The following B4GALNT2 variants were observed in gnomAD, a reference collection of about 807,000 sequenced individuals.
B4GALNT2 encodes the protein beta-1,4-N-acetyl-galactosaminyltransferase 2 (SID blood group).
Under a neutral mutation model 51.1 loss-of-function variants are expected in B4GALNT2, and 42 were observed. That is an observed-to-expected ratio of 0.82 (90% confidence interval 0.64 to 1.06). The LOEUF (loss-of-function observed/expected upper bound fraction) is 1.06. Among genes scored for constraint, B4GALNT2 ranks in the 50% least tolerant of loss-of-function variants. The pLI is 0.00. For missense variants in B4GALNT2, 602 were observed against 633.6 expected, an observed-to-expected ratio of 0.95 and a Z score of 0.54; for synonymous variants, 253 against 251.7, an observed-to-expected ratio of 1.01 and a Z score of -0.05.
At position 49,169,641 on chromosome 17, in the gene B4GALNT2, C is replaced by A; in HGVS notation, c.1434C>A (p.Tyr478Ter). 2 of 1,612,698 alleles carry A rather than the reference C, an allele frequency of 1.2e-6. No homozygotes were observed. The highest frequency in any genetic ancestry group is 1.7e-6 in the Non-Finnish European group (2 of 1,179,310). ...AACTGGCTGCCCTAGAGAAGACCTACAATACATACCGGTCCAACACCCTCA... is the reference window on the plus strand; with the variant it reads ...AACTGGCTGCCCTAGAGAAGACCTAAAATACATACCGGTCCAACACCCTCA... ...DSELAALEKTYNTYRSNTLTR... is the reference protein window; with the variant it reads ...DSELAALEKT Residue 478 changes from tyrosine (Y) to a stop codon, truncating the protein, a stop_gained, in exon 11 of 11, where the codon TAC becomes TAA. Transcript: ENST00000393354. LOFTEE classifies it high-confidence loss of function.
At chr17:49,155,870 C>T (rs2042805052) in intron 4 of B4GALNT2, among the ~76,000 whole-genome samples, 1 of 151,556 alleles carries the variant, frequency 6.6e-6, no homozygotes, top group East Asian at 1.9e-4. Flanking sequence ...CTACAGGCAC[C>T]CGCCACCATG....
At chr17:49,128,341 C>A (rs1010799554), upstream of B4GALNT2, among the ~76,000 whole-genome samples, 1 of 151,984 alleles carries the variant, frequency 6.6e-6, no homozygotes, top group African/African-American at 2.4e-5. Flanking sequence ...GGGTTTGGGG[C>A]TGAAGGCTTG....
In B4GALNT2 at chr17:49,169,640, A is replaced by G. The variant is rs781761727; in HGVS notation, c.1433A>G (p.Tyr478Cys). Residue 478 changes from tyrosine to cysteine, a missense_variant, in exon 11 of 11, where the codon TAC becomes TGC. By Grantham distance (194) the Tyr-to-Cys change is radical. Coordinates refer to ENST00000393354, the MANE Select transcript of B4GALNT2 (RefSeq NM_001159387.2). ...GAACTGGCTGCCCTAGAGAAGACCT[A>G]CAATACATACCGGTCCAACACCCTC... ...DSELAALEKT[Y>C]NTYRSNTLTR... The G allele has an allele frequency of 3.1e-6, 5 of 1,613,222 alleles. No homozygotes were observed. The Admixed American group carries it at 5.0e-5, about 16-fold the overall frequency.
intron 1 of B4GALNT2, among the ~76,000 whole-genome samples, chr17:49,136,879 T>G (rs2042595841): frequency 6.6e-6 from 1 of 152,140 alleles, no homozygotes; most frequent in Non-Finnish European, 1.5e-5. Context: ...GGTGAACACT[T>G]GGCAAATTGT....
At position 49,173,693 on chromosome 17, in the gene B4GALNT2, C is replaced by A. The variant is rs2042971097; in HGVS notation, c.*3965C>A. On this transcript the variant is annotated 3_prime_UTR_variant, in exon 11 of 11. Transcript: ENST00000393354. ...TTAACAATCTGAGTTCTCCCATTTCCTATCATAGTAGCGATTTGATCCAAA... is the reference window on the plus strand; with the variant it reads ...TTAACAATCTGAGTTCTCCCATTTCATATCATAGTAGCGATTTGATCCAAA... 1 of 152,138 alleles carries A rather than the reference C, an allele frequency of 6.6e-6. No individual in the cohort carries two copies. Among genetic ancestry groups the A allele is most frequent in the Admixed American group, 6.5e-5 (1 of 15,284 alleles). The allele number at this position is 152,138 out of a possible 1,614,324, so 9.4% of individuals were successfully genotyped here. A position where few individuals can be genotyped will look rare whatever the true frequency, so the allele number is the denominator to read the frequency against.
At chr17:49,148,468 G>A in intron 3 of B4GALNT2, 1 of 294,304 alleles carries the variant, frequency 3.4e-6, no homozygotes. Context: ...GGTCTTGCAG[G>A]TGGCTCACCC....
At chr17:49,140,786 T>G (rs1419142249) in intron 1 of B4GALNT2, among the ~76,000 whole-genome samples, 2 of 150,332 alleles carry the variant, frequency 1.3e-5, no homozygotes, top group Non-Finnish European at 2.9e-5. Flanking sequence ...TGGCGTGATC[T>G]TGGCTCACTG....
Position 49,171,763 on chromosome 17 carries a change from C to T in B4GALNT2, c.*2035C>T, listed in dbSNP as rs886928565. The T allele has an allele frequency of 5.0e-5, 21 of 422,284 alleles. No homozygotes were observed. The highest frequency in any genetic ancestry group is 4.0e-4 in the Admixed American group (14 of 34,780). The allele number at this position is 422,284 out of a possible 1,614,324, so 26.2% of individuals were successfully genotyped here. On this transcript the variant is annotated 3_prime_UTR_variant, in exon 11 of 11. Coordinates refer to ENST00000393354, the MANE Select transcript of B4GALNT2 (RefSeq NM_001159387.2). Reference sequence around the variant, plus strand: ...CAATCAATAATGATTCCATAGGAATCGTTGTGCAGCACCTCTACCTGTTCT... The same window carrying T: ...CAATCAATAATGATTCCATAGGAATTGTTGTGCAGCACCTCTACCTGTTCT...
At chr17:49,122,536 G>A in the B4GALNT2 span, among the ~76,000 whole-genome samples, 1 of 152,230 alleles carries the variant, frequency 6.6e-6, no homozygotes, top group East Asian at 1.9e-4. Context: ...ATTATTAGAA[G>A]AGAAGGCCCA....
At chr17:49,133,876 C>T (rs918803592) in intron 1 of B4GALNT2, among the ~76,000 whole-genome samples, 1 of 152,154 alleles carries the variant, frequency 6.6e-6, no homozygotes, top group Non-Finnish European at 1.5e-5. Flanking sequence ...TGCTCCATTG[C>T]ACTCCAGCCT....
intron 3 of B4GALNT2, among the ~76,000 whole-genome samples, chr17:49,144,820 C>T (rs2042677905): frequency 6.6e-6 from 1 of 152,118 alleles, no homozygotes; most frequent in Non-Finnish European, 1.5e-5. Context: ...TATTAACTTA[C>T]ATGATCACAA....
At chr17:49,122,725 T>C in the B4GALNT2 span, among the ~76,000 whole-genome samples, 4 of 152,242 alleles carry the variant, frequency 2.6e-5, no homozygotes, top group African/African-American at 7.2e-5. Flanking sequence ...GGCACATGTT[T>C]GGAAAGGCCC....
chr17:49,146,589 G>A (rs572297539), intron 3 of B4GALNT2, among the ~76,000 whole-genome samples: 50 of 152,322 alleles, frequency 3.3e-4, no homozygotes, highest in African/African-American at 1.2e-3. Context: ...GGGATTACAG[G>A]CGTGAGCCAC....
Position 49,152,875 on chromosome 17 carries a change from G to A in B4GALNT2, c.429G>A (p.Glu143=). The A allele has an allele frequency of 6.2e-7, 1 of 1,611,268 alleles. No individual in the cohort carries two copies. The highest frequency in any genetic ancestry group is 2.2e-5 in the East Asian group (1 of 44,754). Residue 143 remains glutamate (E), a synonymous_variant, in exon 4 of 11, where the codon GAG becomes GAA. Transcript: ENST00000393354. ...LPFGYPVHGV[E]VMPLHTVPIP... ...TTGGGTACCCAGTCCACGGAGTGGAGGTGATGCCCCTGCACACGGTTCCCA... is the reference window on the plus strand; with the variant it reads ...TTGGGTACCCAGTCCACGGAGTGGAAGTGATGCCCCTGCACACGGTTCCCA...
chr17:49,148,710 A>G (rs544473608), intron 3 of B4GALNT2: 16 of 577,720 alleles, frequency 2.8e-5, no homozygotes, highest in Non-Finnish European at 4.4e-5. Flanking sequence ...TGCCAGCTCC[A>G]GGTGCTTAGG....
At chr17:49,130,849 A>T (rs1320418798), upstream of B4GALNT2, among the ~76,000 whole-genome samples, 1 of 152,188 alleles carries the variant, frequency 6.6e-6, no homozygotes, top group Non-Finnish European at 1.5e-5. Flanking sequence ...CCAGGACCAC[A>T]CTTCTAAGTT....
intron 4 of B4GALNT2, among the ~76,000 whole-genome samples, chr17:49,153,704 C>T (rs1390071019): frequency 6.6e-6 from 1 of 151,886 alleles, no homozygotes; most frequent in African/African-American, 2.4e-5. Context: ...GACGGGTTTT[C>T]ACCATGTTGG....
chr17:49,134,641 G>C (rs544444282), intron 1 of B4GALNT2, among the ~76,000 whole-genome samples: 2 of 152,144 alleles, frequency 1.3e-5, no homozygotes, highest in African/African-American at 2.4e-5. Flanking sequence ...AGGCTGGAGT[G>C]CAGTGGCGCA....
At chr17:49,166,072 G>T in intron 8 of B4GALNT2, 42 bp from the exon 9 acceptor site, 1 of 1,597,616 alleles carries the variant, frequency 6.3e-7, no homozygotes, top group Non-Finnish European at 8.5e-7. Context: ...ATTCTAATAT[G>T]TAATATGGGC....
Sources: gnomAD v4.1 joint callset for allele counts (sites outside exome capture counted in the v4.1 genomes callset) on GRCh38, gnomAD v4.1.1 for gene constraint, MANE v1.5 for transcripts, NCBI Gene and HGNC (gene_info 2026-07-23, HGNC 2026-07-21) for gene names.